ROBO1: variants seen among roughly 807,000 people sequenced by gnomAD.
ROBO1 encodes roundabout guidance receptor 1, also known as roundabout homolog 1.
A neutral mutation model predicts 195.9 loss-of-function variants in ROBO1; 149 were observed. The ratio of observed to expected loss-of-function variants is 0.76; its 90% CI spans 0.67 to 0.87. The LOEUF is 0.87. Ranked by LOEUF, ROBO1 falls within the 40% of genes least tolerant of loss-of-function variation. ROBO1 has a pLI of 0.00. For missense variants in ROBO1, 1,933 were observed against 2,068.3 expected (o/e 0.93, Z 1.27); for synonymous variants, 816 against 733.2 (o/e 1.11, Z -1.82).
chr3:79,621,441 C>T (rs1379189334), intron 1 of ROBO1, among the ~76,000 whole-genome samples: 1 of 152,142 alleles, frequency 6.6e-6, no homozygotes, highest in Non-Finnish European at 1.5e-5. Flanking sequence ...ACGTGCATGA[C>T]ACTTATCAAG....
intron 2 of ROBO1, among the ~76,000 whole-genome samples, chr3:79,171,110 T>C (rs1479257828): frequency 6.6e-6 from 1 of 150,394 alleles, no homozygotes; most frequent in Non-Finnish European, 1.5e-5. Flanking sequence ...TTCACAATAA[T>C]GAATTTACTT....
chr3:79,556,645 T>C (rs1304806398), intron 2 of ROBO1, among the ~76,000 whole-genome samples: 2 of 151,992 alleles, frequency 1.3e-5, no homozygotes, highest in African/African-American at 4.8e-5. Flanking sequence ...ATATTGTATA[T>C]ATGTATGTAT....
chr3:79,268,535 C>T (rs1043533106), intron 2 of ROBO1, among the ~76,000 whole-genome samples: 1 of 151,594 alleles, frequency 6.6e-6, no homozygotes, highest in Non-Finnish European at 1.5e-5. Context: ...TCCCCTTTTA[C>T]ACACCATGTT....
chr3:79,721,772 T>C (rs1469466366), intron 1 of ROBO1, among the ~76,000 whole-genome samples: 6 of 152,214 alleles, frequency 3.9e-5, no homozygotes, highest in Non-Finnish European at 8.8e-5. Context: ...ATCAGAGTCC[T>C]GAGGAAGACT....
At chr3:79,469,891 T>C (rs1938172843) in intron 2 of ROBO1, among the ~76,000 whole-genome samples, 1 of 152,198 alleles carries the variant, frequency 6.6e-6, no homozygotes, top group African/African-American at 2.4e-5. Flanking sequence ...CTATTGGTCA[T>C]TTAAAAATAT....
intron 2 of ROBO1, among the ~76,000 whole-genome samples, chr3:79,412,842 T>G (rs1575790621): frequency 6.7e-6 from 1 of 149,284 alleles, no homozygotes; most frequent in East Asian, 2.0e-4. Flanking sequence ...TCTCCTGTTT[T>G]CTGGAGAATG....
In ROBO1 at chr3:79,720,159, A is replaced by G. The variant is rs148084396; in HGVS notation, c.-51+47593T>C. On this transcript the variant is annotated intron_variant, in intron 1 of 30. Coordinates refer to ENST00000464233, the MANE Select transcript of ROBO1 (RefSeq NM_002941.4). Reference sequence around the variant, plus strand: ...TTCCAGTATTCGTGCCCTTTATTAGACTCCTCCCATCTTGATTCTTAGCTG... The same window carrying G: ...TTCCAGTATTCGTGCCCTTTATTAGGCTCCTCCCATCTTGATTCTTAGCTG... 3.1e-3 allele frequency among the ~76,000 whole-genome samples: 477 copies of G among 152,188 alleles called. 2 individuals carry two copies. The highest frequency in any genetic ancestry group is 0.011 in the African/African-American group (448 of 41,522).
chr3:79,600,004 C>G (rs892014690), intron 1 of ROBO1, among the ~76,000 whole-genome samples: 1 of 151,246 alleles, frequency 6.6e-6, no homozygotes. Flanking sequence ...TAAAAGTATA[C>G]TCATGTACAC....
chr3:79,219,176 G>A (rs563519632), intron 2 of ROBO1, among the ~76,000 whole-genome samples: 2 of 152,008 alleles, frequency 1.3e-5, no homozygotes, highest in African/African-American at 4.8e-5. Flanking sequence ...TCAGCATTAA[G>A]GGACAGATCA....
At chr3:79,184,577 A>G (rs1356984691) in intron 2 of ROBO1, among the ~76,000 whole-genome samples, 1 of 152,144 alleles carries the variant, frequency 6.6e-6, no homozygotes, top group Non-Finnish European at 1.5e-5. Context: ...GAGTTGGTTC[A>G]GGGCCAGGAC....
At chr3:78,870,479 G>A (rs997301403) in intron 4 of ROBO1, among the ~76,000 whole-genome samples, 1 of 152,152 alleles carries the variant, frequency 6.6e-6, no homozygotes, top group East Asian at 1.9e-4. Context: ...GACAGAAGAG[G>A]TTAAGAGTAA....
chr3:79,672,629 A>T (rs1477271639), intron 1 of ROBO1, among the ~76,000 whole-genome samples: 1 of 151,920 alleles, frequency 6.6e-6, no homozygotes, highest in African/African-American at 2.4e-5. Context: ...TTGGGGGGAC[A>T]TAAGGATGCA....
intron 8 of ROBO1, among the ~76,000 whole-genome samples, chr3:78,709,379 T>C (rs552679280): frequency 1.3e-5 from 2 of 152,252 alleles, no homozygotes; most frequent in Admixed American, 6.5e-5. Flanking sequence ...ATATGCAAGT[T>C]AAAGGAATCA....
At chr3:78,716,543 G>T (rs942166001) in intron 7 of ROBO1, among the ~76,000 whole-genome samples, 8 of 152,136 alleles carry the variant, frequency 5.3e-5, no homozygotes, top group African/African-American at 1.9e-4. Flanking sequence ...AGGATTCAAG[G>T]TGTTGAAAGA....
chr3:78,990,371 G>A (rs1472398246), intron 3 of ROBO1, among the ~76,000 whole-genome samples: 2 of 152,120 alleles, frequency 1.3e-5, no homozygotes, highest in Admixed American at 6.6e-5. Context: ...CACCCGCTAC[G>A]AGCATATATT....
chr3:79,762,314 G>T (rs1704741487), intron 1 of ROBO1, among the ~76,000 whole-genome samples: 1 of 151,910 alleles, frequency 6.6e-6, no homozygotes, highest in South Asian at 2.1e-4. Flanking sequence ...ATTCCTGAGG[G>T]CTCTGCTTTC....
intron 2 of ROBO1, among the ~76,000 whole-genome samples, chr3:79,586,713 C>T (rs912851275): frequency 6.6e-6 from 1 of 151,366 alleles, no homozygotes; most frequent in African/African-American, 2.4e-5. Context: ...GAAATATATG[C>T]TTTAATAACA....
intron 1 of ROBO1, among the ~76,000 whole-genome samples, chr3:79,765,848 C>G (rs1343564203): frequency 6.6e-6 from 1 of 152,126 alleles, no homozygotes; most frequent in African/African-American, 2.4e-5. Context: ...TTCCTCTGTG[C>G]GCTCAGCCCG....
intron 7 of ROBO1, chr3:78,714,791 A>C: frequency 6.3e-6 from 2 of 315,608 alleles, no homozygotes; most frequent in Non-Finnish European, 1.1e-5. Context: ...TCCTGTGCTC[A>C]CACTAAAACA....
Sources: gnomAD v4.1 joint callset for allele counts (sites outside exome capture counted in the v4.1 genomes callset) on GRCh38, gnomAD v4.1.1 for gene constraint, MANE v1.5 for transcripts, NCBI Gene and HGNC (gene_info 2026-07-23, HGNC 2026-07-21) for gene names.